The following WDFY3 variants were observed in gnomAD, a reference collection of about 807,000 sequenced individuals.
WDFY3 encodes the protein WD repeat and FYVE domain containing 3.
In WDFY3, 66 loss-of-function variants were observed where a neutral mutation model predicts 409.6. The ratio of observed to expected loss-of-function variants is 0.16; its 90% CI spans 0.13 to 0.20. The LOEUF (loss-of-function observed/expected upper bound fraction) is 0.20, where lower values mean the gene tolerates loss of function less well. Among genes scored for constraint, WDFY3 ranks in the 10% least tolerant of loss-of-function variants. WDFY3 has a pLI of 1.00. For synonymous variants in WDFY3, 1,521 were observed against 1,537.1 expected, an observed-to-expected ratio of 0.99 and a Z score of 0.25; for missense variants, 3,031 against 4,298.1, an observed-to-expected ratio of 0.71 and a Z score of 8.24.
At chr4:84,947,047 T>C (rs1420260364) in intron 1 of WDFY3, among the ~76,000 whole-genome samples, 2 of 151,378 alleles carry the variant, frequency 1.3e-5, no homozygotes, top group Non-Finnish European at 2.9e-5. Flanking sequence ...GACCTTGTGA[T>C]CCACCCGCCT....
intron 10 of WDFY3, among the ~76,000 whole-genome samples, chr4:84,826,413 G>C (rs1430879326): frequency 6.6e-6 from 1 of 152,060 alleles, no homozygotes; most frequent in Non-Finnish European, 1.5e-5. Context: ...GGGGGTCCTG[G>C]AACCAATCCC....
intron 53 of WDFY3, among the ~76,000 whole-genome samples, chr4:84,707,885 TTTCA>T (rs1358955653): frequency 2.0e-5 from 3 of 152,224 alleles, no homozygotes; most frequent in African/African-American, 7.2e-5. Context: ...GTGGATTTCC[TTTCA>T]TTCTTTCATT....
At chr4:84,949,252 A>G (rs1348548050) in intron 1 of WDFY3, among the ~76,000 whole-genome samples, 1 of 152,206 alleles carries the variant, frequency 6.6e-6, no homozygotes, top group Non-Finnish European at 1.5e-5. Context: ...ATTTTAAAAC[A>G]GAAAATATAC....
At chr4:84,911,691 T>C (rs2150747850) in intron 2 of WDFY3, among the ~76,000 whole-genome samples, 1 of 152,298 alleles carries the variant, frequency 6.6e-6, no homozygotes, top group Middle Eastern at 3.4e-3. Flanking sequence ...AGCCTAGGAA[T>C]ATTGAAAAAA....
At chr4:84,949,281 T>C (rs1773302040) in intron 1 of WDFY3, among the ~76,000 whole-genome samples, 1 of 152,150 alleles carries the variant, frequency 6.6e-6, no homozygotes, top group Non-Finnish European at 1.5e-5. Context: ...AAAGTTATTT[T>C]CTAAATGGCA....
chr4:84,813,323 A>G (rs1424560245), intron 13 of WDFY3, among the ~76,000 whole-genome samples: 3 of 152,174 alleles, frequency 2.0e-5, no homozygotes, highest in Admixed American at 1.3e-4. Context: ...GTCAAGTGCC[A>G]TATTTTCAGG....
chr4:84,912,536 T>C (rs1191884957), intron 2 of WDFY3, among the ~76,000 whole-genome samples: 1 of 152,082 alleles, frequency 6.6e-6, no homozygotes, highest in East Asian at 1.9e-4. Flanking sequence ...AAAAATAACA[T>C]GAAGGATCTA....
chr4:84,796,622 C>T lies in WDFY3; in HGVS notation c.3066G>A (p.Val1022=). 6.2e-7 allele frequency: 1 copy of T among 1,614,122 alleles called. No homozygotes were observed. The highest frequency in any genetic ancestry group is 2.2e-5 in the East Asian group (1 of 44,874). The part of the protein sequence containing the change: ...AEGSTVPLTR[V]KCLVSMTTPH... ...GGGTTGTCATGGAGACCAGACACTTCACCCTGGTCAGGGGTACAGTACTTC... is the reference window on the plus strand; with the variant it reads ...GGGTTGTCATGGAGACCAGACACTTTACCCTGGTCAGGGGTACAGTACTTC... Residue 1022 remains valine, a synonymous_variant, in exon 19 of 68, where the codon GTG becomes GTA. Coordinates refer to ENST00000295888, the MANE Select transcript of WDFY3 (RefSeq NM_014991.6).
At position 84,691,633 on chromosome 4, in the gene WDFY3, T is replaced by G; in HGVS notation, c.9202A>C (p.Lys3068Gln). The G allele has an allele frequency of 1.9e-6, 3 of 1,613,554 alleles. No individual in the cohort carries two copies. Among genetic ancestry groups the G allele is most frequent in the Non-Finnish European group, 2.5e-6 (3 of 1,179,718 alleles). ...SCRLGTYESD[K>Q]AMTVYECLSE... ...AGTAGGCAGGAAATAATGCAAACCT[T>G]GTCTGACTCATAGGTTCCCAGTCTG... The change falls in exon 60 of 68, where the codon AAG becomes CAG. Residue 3068 changes from lysine (K) to glutamine (Q), a missense_variant and splice_region_variant. Coordinates refer to ENST00000295888, the MANE Select transcript of WDFY3 (RefSeq NM_014991.6).
intron 1 of WDFY3, among the ~76,000 whole-genome samples, chr4:84,958,016 G>A (rs1774456740): frequency 6.6e-6 from 1 of 152,086 alleles, no homozygotes; most frequent in Admixed American, 6.6e-5. Context: ...CTTTGCTACT[G>A]TATTTCTTTA....
intron 30 of WDFY3, among the ~76,000 whole-genome samples, chr4:84,769,800 C>T (rs1744338238): frequency 6.6e-6 from 1 of 152,022 alleles, no homozygotes; most frequent in South Asian, 2.1e-4. Flanking sequence ...ACATGTGTAC[C>T]ATATGTAATG....
intron 53 of WDFY3, among the ~76,000 whole-genome samples, chr4:84,707,709 C>T (rs923584886): frequency 1.3e-5 from 2 of 152,128 alleles, no homozygotes; most frequent in African/African-American, 2.4e-5. Flanking sequence ...TCTAACTTTC[C>T]TTGATTGACT....
intron 24 of WDFY3, among the ~76,000 whole-genome samples, chr4:84,785,555 T>C (rs1747404846): frequency 6.6e-6 from 1 of 152,202 alleles, no homozygotes; most frequent in African/African-American, 2.4e-5. Context: ...CTTTAGGTAT[T>C]ATCATCTGTC....
intron 6 of WDFY3, among the ~76,000 whole-genome samples, 153 bp from the exon 7 acceptor site, chr4:84,837,243 T>C (rs1474239961): frequency 6.6e-6 from 1 of 152,238 alleles, no homozygotes; most frequent in Non-Finnish European, 1.5e-5. Context: ...TGAAGAAATA[T>C]ACAACTATGC....
At chr4:84,741,391 T>TGCAA (rs1738392108) in intron 38 of WDFY3, among the ~76,000 whole-genome samples, 1 of 151,556 alleles carries the variant, frequency 6.6e-6, no homozygotes, top group Non-Finnish European at 1.5e-5. Context: ...CTTGGCTCAC[T>TGCAA]GCAACCTCCA....
At chr4:84,955,432 G>A (rs1435464450) in intron 1 of WDFY3, among the ~76,000 whole-genome samples, 1 of 152,160 alleles carries the variant, frequency 6.6e-6, no homozygotes, top group Non-Finnish European at 1.5e-5. Context: ...CCCTGGGCCT[G>A]CTGCCTACGG....
At chr4:84,727,707 T>C (rs1163427154) in intron 44 of WDFY3, among the ~76,000 whole-genome samples, 2 of 152,222 alleles carry the variant, frequency 1.3e-5, no homozygotes, top group Non-Finnish European at 2.9e-5. Flanking sequence ...TCATGGTTTA[T>C]ATCTGGTGAT....
At position 84,766,907 on chromosome 4, in the gene WDFY3, G is replaced by A. The variant is rs368793874; in HGVS notation, c.4850-535C>T. ...AGAGAAGAAACGAAGAAATGGAGCT[G>A]AGACATTCTCAGATAGTACTGCAAG... On this transcript the variant is annotated intron_variant, in intron 30 of 67. Coordinates refer to ENST00000295888, the MANE Select transcript of WDFY3 (RefSeq NM_014991.6). Among the ~76,000 whole-genome samples, 5 of 152,336 alleles carry A rather than the reference G, an allele frequency of 3.3e-5. No individual in the cohort carries two copies. The East Asian group carries it at 9.7e-4, about 29-fold the overall frequency.
intron 64 of WDFY3, 104 bp downstream of exon 64, chr4:84,682,270 C>T (rs1727494398): frequency 1.9e-6 from 2 of 1,059,186 alleles, no homozygotes; most frequent in Non-Finnish European, 2.7e-6. Context: ...CCAAGCAGTG[C>T]CCAACCTTGG....
Sources: gnomAD v4.1 joint callset for allele counts (sites outside exome capture counted in the v4.1 genomes callset) on GRCh38, gnomAD v4.1.1 for gene constraint, MANE v1.5 for transcripts, NCBI Gene and HGNC (gene_info 2026-07-23, HGNC 2026-07-21) for gene names.